RGS3: variants seen among roughly 807,000 people sequenced by gnomAD.
The protein encoded by RGS3 is regulator of G protein signaling 3.
RGS3 carries 80 observed loss-of-function variants against 132.6 expected under a neutral mutation model. The ratio of observed to expected loss-of-function variants is 0.60; its 90% CI spans 0.50 to 0.73. RGS3 has a LOEUF of 0.73. Among genes scored for constraint, RGS3 ranks in the 30% least tolerant of loss-of-function variants. The pLI, the probability that RGS3 is intolerant of heterozygous loss-of-function variation, is 0.00. For synonymous variants in RGS3, 598 were observed against 620.6 expected, an observed-to-expected ratio of 0.96 and a Z score of 0.54; for missense variants, 1,382 against 1,530.8, an observed-to-expected ratio of 0.90 and a Z score of 1.62.
chr9:113,457,878 T>C (rs1318545812), upstream of RGS3, among the ~76,000 whole-genome samples: 1 of 152,176 alleles, frequency 6.6e-6, no homozygotes, highest in African/African-American at 2.4e-5. Context: ...CAATGCAATT[T>C]TGGCTATTTC....
rs1231940221 is a variant in RGS3, at chr9:113,591,430, C to T, written c.3080+33C>T. ...GGGAAGATCCCTGGCTTCTGCGCTC[C>T]TCTTCCTCCCTTGCCCCAGGGCTTG... On this transcript the variant is annotated intron_variant, in intron 21 of 24. Transcript: ENST00000350696. The surrounding 1 kb of genome is among the most constrained non-coding windows in gnomAD (Gnocchi z 4.4). 2 of 1,585,752 alleles carry T rather than the reference C, an allele frequency of 1.3e-6. No individual in the cohort carries two copies. Among genetic ancestry groups the T allele is most frequent in the Non-Finnish European group, 1.7e-6 (2 of 1,154,894 alleles).
chr9:113,514,663 G>A lies in RGS3; in HGVS notation c.1674+9G>A, dbSNP rs373331209. The A allele has an allele frequency of 3.2e-5, 52 of 1,612,454 alleles. No homozygotes were observed. The highest frequency in any genetic ancestry group is 6.7e-5 in the East Asian group (3 of 44,882). ...TCCCTGTCTTTGTTCAGGTGAGCCC[G>A]TGGCTGGTCTTAAAGGTTCCCTCAG... is the stretch of plus-strand genomic sequence containing the variant. On this transcript the variant is annotated intron_variant, in intron 15 of 24. Transcript: ENST00000350696.
chr9:113,504,472 C>T (rs1831045394), intron 10 of RGS3, among the ~76,000 whole-genome samples: 1 of 152,204 alleles, frequency 6.6e-6, no homozygotes, highest in African/African-American at 2.4e-5. Context: ...CCTGCATTAG[C>T]CTCTGCTGAG....
intron 7 of RGS3, among the ~76,000 whole-genome samples, chr9:113,490,608 A>G (rs1261449057): frequency 1.3e-5 from 2 of 148,280 alleles, no homozygotes; most frequent in Non-Finnish European, 3.0e-5. Context: ...AAAAATGCAT[A>G]TATGTATTAT....
chr9:113,539,128 T>C (rs954687638), intron 19 of RGS3, among the ~76,000 whole-genome samples: 1 of 152,232 alleles, frequency 6.6e-6, no homozygotes, highest in Non-Finnish European at 1.5e-5. Flanking sequence ...CCCGCCTGGC[T>C]TTCCAGCTGG....
intron 19 of RGS3, among the ~76,000 whole-genome samples, chr9:113,571,261 T>C (rs1283959233): frequency 6.6e-6 from 1 of 152,270 alleles, no homozygotes; most frequent in Non-Finnish European, 1.5e-5. Context: ...GTTAGGTGAA[T>C]ACCTAAGTTT....
rs188237628 is a variant in RGS3, at chr9:113,571,120, T to A, written c.2038-12330T>A. ...TGTTGCTCTGTGGTATTTCCTTGTATGAATATACCGCCACAGTTTATCTAA... is the reference window on the plus strand; with the variant it reads ...TGTTGCTCTGTGGTATTTCCTTGTAAGAATATACCGCCACAGTTTATCTAA... On this transcript the variant is annotated intron_variant, in intron 19 of 24. Transcript: ENST00000350696. Among the ~76,000 whole-genome samples, 247 of 152,364 alleles carry A rather than the reference T, an allele frequency of 1.6e-3. 1 individual carries two copies. The highest frequency in any genetic ancestry group is 5.5e-3 in the African/African-American group (227 of 41,596).
chr9:113,525,255 A>G (rs557030798), intron 17 of RGS3, among the ~76,000 whole-genome samples: 1 of 152,296 alleles, frequency 6.6e-6, no homozygotes, highest in Admixed American at 6.5e-5. Flanking sequence ...TTCTAGGTGC[A>G]CAATCCAACG....
At chr9:113,569,923 T>C (rs1164587148) in intron 19 of RGS3, among the ~76,000 whole-genome samples, 5 of 151,826 alleles carry the variant, frequency 3.3e-5, no homozygotes, top group Non-Finnish European at 7.4e-5. Flanking sequence ...AGAGCAGGTC[T>C]CCATCCCAGT....
intron 1 of RGS3, among the ~76,000 whole-genome samples, chr9:113,446,384 T>A (rs1197920598): frequency 6.6e-6 from 1 of 152,186 alleles, no homozygotes; most frequent in Admixed American, 6.5e-5. Flanking sequence ...AATATAGCTT[T>A]GTAAGAAAAT....
chr9:113,473,784 T>G (rs927117260), intron 3 of RGS3, among the ~76,000 whole-genome samples: 2 of 152,108 alleles, frequency 1.3e-5, no homozygotes, highest in African/African-American at 4.8e-5. Flanking sequence ...GTAAAAGAAA[T>G]AAAAAGCTTA....
intron 16 of RGS3, among the ~76,000 whole-genome samples, chr9:113,520,220 T>C (rs1031365324): frequency 1.3e-5 from 2 of 152,224 alleles, no homozygotes; most frequent in Non-Finnish European, 2.9e-5. Context: ...GATTGGGCCA[T>C]GGAGATGGGC....
intron 7 of RGS3, among the ~76,000 whole-genome samples, chr9:113,487,268 C>A (rs1391986709): frequency 6.6e-6 from 1 of 151,218 alleles, no homozygotes. Flanking sequence ...CCCGCCACCG[C>A]GCCCGGCTAA....
rs144325378 is a variant in RGS3 at position 113,583,992 on chromosome 9, G to A, written c.2580G>A (p.Arg860=). 861 of 1,614,116 alleles carry A rather than the reference G, an allele frequency of 5.3e-4. No individual in the cohort carries two copies. In the African/African-American group the frequency reaches 0.01, roughly 19 times the overall value. ...CAGCCTTCGTGATCCCTGAGGTCCG[G>A]CTGGATAGCACCTACAGCCAGAAGG... The change falls in exon 20 of 25, where the codon CGG becomes CGA. Residue 860 remains arginine, a synonymous_variant. Coordinates refer to ENST00000350696, the Ensembl canonical transcript of RGS3.
intron 19 of RGS3, among the ~76,000 whole-genome samples, chr9:113,544,579 T>C (rs1833032848): frequency 6.6e-6 from 1 of 152,180 alleles, no homozygotes; most frequent in Admixed American, 6.5e-5. Flanking sequence ...ATGCAGGCAA[T>C]TTTGCAACGT....
chr9:113,586,178 C>T (rs1486071524), intron 20 of RGS3, among the ~76,000 whole-genome samples: 1 of 152,196 alleles, frequency 6.6e-6, no homozygotes, highest in Admixed American at 6.5e-5. Flanking sequence ...GTCCGGAACG[C>T]TGTCCTTCCA....
In RGS3 at chr9:113,463,225, G is replaced by C. The variant is rs147097567; in HGVS notation, c.415+1024G>C. 1.9e-3 allele frequency among the ~76,000 whole-genome samples: 284 copies of C among 152,326 alleles called. No individual in the cohort carries two copies. Among genetic ancestry groups the C allele is most frequent in the African/African-American group, 6.6e-3 (273 of 41,574 alleles). ...AGAGGAGGCTCAAGAGAGTGATCCAGGATGCAGGGTTTGGGAAGAGGATGC... is the reference window on the plus strand; with the variant it reads ...AGAGGAGGCTCAAGAGAGTGATCCACGATGCAGGGTTTGGGAAGAGGATGC... On this transcript the variant is annotated intron_variant, in intron 3 of 24. Transcript: ENST00000350696. This position sits in a 1 kb window ranked among gnomAD's most constrained non-coding sequence, Gnocchi z 4.6.
intron 3 of RGS3, among the ~76,000 whole-genome samples, chr9:113,466,134 A>C (rs913116856): frequency 1.3e-5 from 2 of 152,238 alleles, no homozygotes; most frequent in Non-Finnish European, 2.9e-5. Flanking sequence ...TTAAGAAGCC[A>C]TAGAGCGTTC....
In RGS3 at chr9:113,463,685, G is replaced by C. The variant is rs2119163630; in HGVS notation, c.415+1484G>C. ...CCGGGCGCGCCCTGGCCGTTCCAAC[G>C]CTTGGGGCAGCCCTACCTCCCGCTC... On this transcript the variant is annotated intron_variant, in intron 3 of 24. Coordinates refer to ENST00000350696, the Ensembl canonical transcript of RGS3. The surrounding 1 kb of genome is among the most constrained non-coding windows in gnomAD (Gnocchi z 4.6). 1.5e-6 allele frequency: 2 copies of C among 1,375,362 alleles called. No homozygotes were observed. Among genetic ancestry groups the C allele is most frequent in the East Asian group, 6.2e-5 (2 of 32,354 alleles). 85.2% of individuals were successfully genotyped at this position (1,375,362 alleles called of 1,614,324 possible).
Sources: gnomAD v4.1 joint callset for allele counts (sites outside exome capture counted in the v4.1 genomes callset) on GRCh38, gnomAD v4.1.1 for gene constraint, Gnocchi (gnomAD v3.1) non-coding constraint, MANE v1.5 for transcripts, NCBI Gene and HGNC (gene_info 2026-07-23, HGNC 2026-07-21) for gene names.